The following WWOX variants were observed in gnomAD, a reference collection of about 807,000 sequenced individuals.
WWOX encodes WW domain containing oxidoreductase.
WWOX carries 69 observed loss-of-function variants against 46.2 expected under a neutral mutation model. The observed-to-expected ratio is 1.49, with a 90% confidence interval of 1.23 to 1.82. WWOX has a LOEUF of 1.82. Among genes scored for constraint, WWOX ranks in the 40% most tolerant of loss-of-function variants. The pLI, the probability that WWOX is intolerant of heterozygous loss-of-function variation, is 0.00. For synonymous variants in WWOX, 359 were observed against 202.6 expected (o/e 1.77, Z -6.56); for missense variants, 919 against 542.6 (o/e 1.69, Z -6.89).
At chr16:79,168,854 C>T (rs1367873203) in intron 8 of WWOX, among the ~76,000 whole-genome samples, 2 of 152,134 alleles carry the variant, frequency 1.3e-5, no homozygotes, top group South Asian at 2.1e-4. Flanking sequence ...CAGCTGTGGC[C>T]TCGAGTTCCT....
At chr16:78,921,300 C>T (rs1567650401) in intron 8 of WWOX, among the ~76,000 whole-genome samples, 1 of 152,126 alleles carries the variant, frequency 6.6e-6, no homozygotes, top group South Asian at 2.1e-4. Context: ...TTTGCCATTA[C>T]TTTTCACTGA....
intron 8 of WWOX, among the ~76,000 whole-genome samples, chr16:78,870,664 C>G (rs571131314): frequency 1.3e-5 from 2 of 152,066 alleles, no homozygotes; most frequent in Non-Finnish European, 2.9e-5. Context: ...TGCGGTGGTG[C>G]GATCTTGCCT....
intron 4 of WWOX, among the ~76,000 whole-genome samples, chr16:78,152,296 A>C (rs1444416866): frequency 6.6e-6 from 1 of 152,192 alleles, no homozygotes; most frequent in Non-Finnish European, 1.5e-5. Flanking sequence ...CTATTCATGC[A>C]ATATAATTTA....
intron 8 of WWOX, among the ~76,000 whole-genome samples, chr16:78,712,927 A>C (rs62036137): frequency 6.6e-6 from 1 of 152,232 alleles, no homozygotes; most frequent in Admixed American, 6.6e-5. Flanking sequence ...ATAAGAAAAT[A>C]TTATTCAGAG....
intron 5 of WWOX, among the ~76,000 whole-genome samples, chr16:78,312,869 A>T (rs1041298360): frequency 6.6e-6 from 1 of 152,202 alleles, no homozygotes; most frequent in Non-Finnish European, 1.5e-5. Context: ...AGGTGGTAGC[A>T]CGCAGGGCCT....
At chr16:79,128,283 G>T (rs142292427) in intron 8 of WWOX, among the ~76,000 whole-genome samples, 1 of 151,518 alleles carries the variant, frequency 6.6e-6, no homozygotes, top group Non-Finnish European at 1.5e-5. Flanking sequence ...TCCAATCCAC[G>T]TGTGTTCAGA....
intron 5 of WWOX, among the ~76,000 whole-genome samples, chr16:78,175,029 T>TAATAAGAAGAAG (rs879644346): frequency 2.3e-5 from 3 of 129,742 alleles, no homozygotes; most frequent in African/African-American, 8.8e-5. Context: ...ATAATAATAA[T>TAATAAGAAGAAG]AAGAATCTGA....
chr16:78,663,348 AC>A (rs1276961184), intron 8 of WWOX, among the ~76,000 whole-genome samples: 2 of 152,190 alleles, frequency 1.3e-5, no homozygotes, highest in Admixed American at 1.3e-4. Context: ...AACCAATCTA[AC>A]TAATACTTCA....
intron 8 of WWOX, among the ~76,000 whole-genome samples, chr16:78,448,255 G>C (rs918238581): frequency 1.3e-5 from 2 of 152,036 alleles, no homozygotes; most frequent in Admixed American, 1.3e-4. Context: ...GCATAACGGG[G>C]GAGTAAAATT....
At chr16:78,735,801 G>C (rs986740326) in intron 8 of WWOX, among the ~76,000 whole-genome samples, 1 of 152,208 alleles carries the variant, frequency 6.6e-6, no homozygotes, top group Non-Finnish European at 1.5e-5. Flanking sequence ...TTTAGGTGGA[G>C]GATCTGGTCA....
At chr16:78,894,860 A>T (rs1321785085) in intron 8 of WWOX, among the ~76,000 whole-genome samples, 1 of 152,178 alleles carries the variant, frequency 6.6e-6, no homozygotes, top group Non-Finnish European at 1.5e-5. Context: ...AACAGTGACT[A>T]ACTGAGCACT....
chr16:78,245,867 A>T (rs1022282702), intron 5 of WWOX, among the ~76,000 whole-genome samples: 1 of 152,202 alleles, frequency 6.6e-6, no homozygotes, highest in African/African-American at 2.4e-5. Flanking sequence ...AATAAGAGCA[A>T]AGAAAGGCAG....
chr16:78,851,237 C>G (rs538072628), intron 8 of WWOX, among the ~76,000 whole-genome samples: 99 of 152,266 alleles, frequency 6.5e-4, no homozygotes, highest in African/African-American at 2.1e-3. Context: ...TAACCAAATT[C>G]ACAGAAACTG....
chr16:78,803,309 A>G (rs986543898), intron 8 of WWOX, among the ~76,000 whole-genome samples: 1 of 151,574 alleles, frequency 6.6e-6, no homozygotes, highest in Non-Finnish European at 1.5e-5. Context: ...TTCGCAGAGT[A>G]TTTATTTGGC....
intron 6 of WWOX, among the ~76,000 whole-genome samples, chr16:78,423,781 G>A (rs572824157): frequency 6.6e-6 from 1 of 150,424 alleles, no homozygotes; most frequent in East Asian, 2.0e-4. Flanking sequence ...GGGAGTTTGA[G>A]ACTGCAGTGA....
At chr16:78,451,450 G>C (rs1597103461) in intron 8 of WWOX, among the ~76,000 whole-genome samples, 1 of 152,224 alleles carries the variant, frequency 6.6e-6, no homozygotes. Context: ...TTTGGTTGCA[G>C]AAGGATGCAA....
At chr16:78,418,291 G>C (rs901267482) in intron 6 of WWOX, among the ~76,000 whole-genome samples, 1 of 151,982 alleles carries the variant, frequency 6.6e-6, no homozygotes, top group Non-Finnish European at 1.5e-5. Context: ...GTGAACCCGG[G>C]AGGTGGAGCT....
Position 78,132,540 on chromosome 16 carries a change from T to C in WWOX, c.409+17386T>C, listed in dbSNP as rs528522146. Among the ~76,000 whole-genome samples, 3 of 152,198 alleles carry C rather than the reference T, an allele frequency of 2.0e-5. No individual in the cohort carries two copies. In the East Asian group the frequency reaches 5.8e-4, roughly 29 times the overall value. The stretch of plus-strand genomic sequence containing the variant: ...TAATACGTATGCGGCCATGTGATGA[T>C]TTTTTAAAAGGTCATCCAGTATCTT... On this transcript the variant is annotated intron_variant, in intron 4 of 8. Transcript: ENST00000566780.
chr16:78,118,601 G>A (rs1188485481), intron 4 of WWOX, among the ~76,000 whole-genome samples: 1 of 152,056 alleles, frequency 6.6e-6, no homozygotes, highest in African/African-American at 2.4e-5. Context: ...AAAATAATAT[G>A]GCCCTTTGCT....
Sources: allele counts gnomAD v4.1 joint callset (sites outside exome capture counted in the v4.1 genomes callset), GRCh38; gene constraint gnomAD v4.1.1; transcripts MANE v1.5; gene names NCBI Gene and HGNC (gene_info 2026-07-23, HGNC 2026-07-21).